NCOR1: variants seen among roughly 807,000 people sequenced by gnomAD.
NCOR1 encodes protein phosphatase 1, regulatory subunit 109.
NCOR1 carries 63 observed loss-of-function variants against 288.1 expected under a neutral mutation model. The ratio of observed to expected loss-of-function variants is 0.22; its 90% CI spans 0.18 to 0.27. The LOEUF is 0.27. Ranked by LOEUF, NCOR1 falls within the 10% of genes least tolerant of loss-of-function variation. The probability of loss-of-function intolerance (pLI) is 1.00; values close to 1 mark genes in which losing one functional copy is unlikely to be tolerated. For missense variants in NCOR1, 2,397 were observed against 3,019.2 expected, an observed-to-expected ratio of 0.79 and a Z score of 4.83; for synonymous variants, 1,007 against 1,065.9, an observed-to-expected ratio of 0.94 and a Z score of 1.08.
intron 4 of NCOR1, among the ~76,000 whole-genome samples, chr17:16,169,597 A>C (rs1248895185): frequency 2.0e-5 from 3 of 151,476 alleles, no homozygotes; most frequent in Non-Finnish European, 4.4e-5. Flanking sequence ...AAAAAGCAGG[A>C]CTAGAGTCGG....
intron 1 of NCOR1, among the ~76,000 whole-genome samples, chr17:16,197,515 C>T (rs2090066100): frequency 6.6e-6 from 1 of 152,090 alleles, no homozygotes; most frequent in Non-Finnish European, 1.5e-5. Context: ...TGGAGATCAG[C>T]AAATCTTAAG....
intron 5 of NCOR1, among the ~76,000 whole-genome samples, chr17:16,159,200 G>A (rs534265613): frequency 6.6e-6 from 1 of 152,098 alleles, no homozygotes; most frequent in African/African-American, 2.4e-5. Context: ...GATCACCTGA[G>A]GTCGGGAGTT....
At chr17:16,200,495 CAAAAAA>C (rs55957034) in intron 1 of NCOR1, among the ~76,000 whole-genome samples, 11 of 60,682 alleles carry the variant, frequency 1.8e-4, no homozygotes, top group Non-Finnish European at 2.8e-5. Context: ...GACTCCATCT[CAAAAAA>C]AAAAAAAAAA....
rs2063189648 is a variant in NCOR1, at chr17:16,080,221, T to C, written c.3401-157A>G. On this transcript the variant is annotated intron_variant, in intron 25 of 45. Coordinates refer to ENST00000268712, the MANE Select transcript of NCOR1 (RefSeq NM_006311.4). ...GTTTTATTAAAATGTACTTCCAAAA[T>C]AATACTAAAGAACTGCTGAAACATG... 3.8e-6 allele frequency: 3 copies of C among 787,102 alleles called. No individual in the cohort carries two copies. The Admixed American group carries it at 9.0e-5, about 24-fold the overall frequency. 48.8% of individuals were successfully genotyped at this position (787,102 alleles called of 1,614,324 possible). A position where few individuals can be genotyped will look rare whatever the true frequency, so the allele number is the denominator to read the frequency against.
At chr17:16,049,108 T>C (rs1221225974) in intron 40 of NCOR1, 120 bp from the exon 41 acceptor site, 3 of 1,126,170 alleles carry the variant, frequency 2.7e-6, no homozygotes, top group Non-Finnish European at 1.2e-6. Flanking sequence ...CCAATTTCTA[T>C]CAGAAAAAAA....
Position 16,032,483 on chromosome 17 carries a change from C to T in NCOR1, c.7136G>A (p.Gly2379Asp). ...WAWEDRPSSTGSTQFPYNPLT... is the reference protein window; with the variant it reads ...WAWEDRPSSTDSTQFPYNPLT... ...AGGGTTATAAGGAAACTGAGTTGAG[C>T]CTGACAAAAGAAAAATTAGGTTTTC... The change falls in exon 46 of 46, where the codon GGC (glycine) becomes GAC (aspartate). Residue 2379 changes from glycine (G) to aspartate (D), a missense_variant and splice_region_variant. Physicochemically the swap from Gly to Asp is moderately conservative, Grantham distance 94. This residue lies in a region of NCOR1 where 1,872 missense variants were observed against 2,187.8 expected (regional missense o/e 0.86). Coordinates refer to ENST00000268712, the MANE Select transcript of NCOR1 (RefSeq NM_006311.4). 1.3e-6 allele frequency: 2 copies of T among 1,560,128 alleles called. No individual in the cohort carries two copies. Among genetic ancestry groups the T allele is most frequent in the Admixed American group, 2.1e-5 (1 of 47,652 alleles).
At chr17:16,146,630 C>T (rs2078034577) in intron 9 of NCOR1, 82 bp from the exon 10 acceptor site, 1 of 1,244,822 alleles carries the variant, frequency 8.0e-7, no homozygotes, top group Middle Eastern at 2.0e-4. Context: ...ATAAATGCTA[C>T]TTCTTAAGGT....
chr17:16,058,579 T>C lies in NCOR1; in HGVS notation c.5902A>G (p.Thr1968Ala), dbSNP rs529539748. Reference sequence around the variant, plus strand: ...ATCACCTCAATAGCATCGCTAGGTGTTTCATACCTGTGAGAAGATACTTTA... The same window carrying C: ...ATCACCTCAATAGCATCGCTAGGTGCTTCATACCTGTGAGAAGATACTTTA... ...SSSLSSHRYETPSDAIEVISP... is the reference protein window; with the variant it reads ...SSSLSSHRYEAPSDAIEVISP... The change falls in exon 38 of 46, where the codon ACA becomes GCA. Residue 1968 changes from threonine (T) to alanine (A), a missense_variant. Transcript: ENST00000268712. The C allele has an allele frequency of 4.8e-5, 77 of 1,608,684 alleles. 1 individual carries two copies. In the South Asian group the frequency reaches 7.6e-4, roughly 16 times the overall value.
chr17:16,185,683 CA>C (rs58712974), intron 3 of NCOR1, among the ~76,000 whole-genome samples: 172 of 33,372 alleles, frequency 5.2e-3, no homozygotes, highest in Middle Eastern at 0.033. Flanking sequence ...GACTCTTTCT[CA>C]AAAAAAAAAA....
At position 16,117,837 on chromosome 17, in the gene NCOR1, C is replaced by T. The variant is rs751824228; in HGVS notation, c.2055+51G>A. The T allele has an allele frequency of 7.0e-6, 11 of 1,570,338 alleles. No homozygotes were observed. In the East Asian group the frequency reaches 9.0e-5, roughly 13 times the overall value. ...ACTCCATCTCAAACAACAACAACAACACTCTAAGTAAAAAACAGTAAGTAA... is the reference window on the plus strand; with the variant it reads ...ACTCCATCTCAAACAACAACAACAATACTCTAAGTAAAAAACAGTAAGTAA... On this transcript the variant is annotated intron_variant, in intron 18 of 45. Transcript: ENST00000268712.
At chr17:16,114,355 C>G (rs888500028) in intron 18 of NCOR1, among the ~76,000 whole-genome samples, 1 of 152,010 alleles carries the variant, frequency 6.6e-6, no homozygotes, top group African/African-American at 2.4e-5. Flanking sequence ...ACAGCCATAC[C>G]ATATCATTCT....
At chr17:16,117,511 T>C (rs1164286421) in intron 18 of NCOR1, among the ~76,000 whole-genome samples, 1 of 102,966 alleles carries the variant, frequency 9.7e-6, no homozygotes. Context: ...TCTCTGGAGC[T>C]CAGAAAAAAA....
chr17:16,093,051 T>A (rs2065697954), intron 21 of NCOR1, among the ~76,000 whole-genome samples: 1 of 152,090 alleles, frequency 6.6e-6, no homozygotes, highest in African/African-American at 2.4e-5. Flanking sequence ...TTGTTAATGA[T>A]TCACAAATTT....
intron 9 of NCOR1, 77 bp downstream of exon 9, chr17:16,149,374 C>T: frequency 1.4e-6 from 1 of 712,508 alleles, no homozygotes; most frequent in Admixed American, 2.8e-5. Flanking sequence ...CTCTCATTAA[C>T]AGTAGGAAAG....
At chr17:16,139,819 T>C (rs1328271363) in intron 11 of NCOR1, among the ~76,000 whole-genome samples, 1 of 152,216 alleles carries the variant, frequency 6.6e-6, no homozygotes, top group Non-Finnish European at 1.5e-5. Context: ...AGGAAATTTT[T>C]AAGTACAAAC....
chr17:16,035,022 C>A, intron 44 of NCOR1, 78 bp from the exon 45 acceptor site: 3 of 1,369,798 alleles, frequency 2.2e-6, no homozygotes, highest in South Asian at 1.4e-5. Flanking sequence ...TTATATATTG[C>A]TAAATGAAAA....
At chr17:16,040,871 C>G in intron 42 of NCOR1, 1 of 188,720 alleles carries the variant, frequency 5.3e-6, no homozygotes, top group South Asian at 1.0e-4. Flanking sequence ...CATCTGTTTA[C>G]CAAAAATAAA....
chr17:16,134,582 T>A (rs1278304884), intron 14 of NCOR1, among the ~76,000 whole-genome samples: 1 of 152,174 alleles, frequency 6.6e-6, no homozygotes, highest in Non-Finnish European at 1.5e-5. Flanking sequence ...CAAGGATCGG[T>A]GTGCCACAGA....
At chr17:16,153,507 A>G in intron 6 of NCOR1, 112 bp from the exon 7 acceptor site, 1 of 601,070 alleles carries the variant, frequency 1.7e-6, no homozygotes, top group Non-Finnish European at 2.8e-6. Flanking sequence ...ACTTATCCTT[A>G]TTTCCAAATA....
Sources: gnomAD v4.1 joint callset for allele counts (sites outside exome capture counted in the v4.1 genomes callset) on GRCh38, gnomAD v4.1.1 for gene constraint, gnomAD v4.1.1 regional missense constraint, MANE v1.5 for transcripts, NCBI Gene and HGNC (gene_info 2026-07-23, HGNC 2026-07-21) for gene names.